Variants in CRACR2B observed in about 807,000 individuals in gnomAD.
The protein encoded by CRACR2B is EF-hand calcium-binding domain-containing protein 4A.
In CRACR2B, 50 loss-of-function variants were observed where a neutral mutation model predicts 46.0. The ratio of observed to expected loss-of-function variants is 1.09; its 90% CI spans 0.87 to 1.38. CRACR2B has a LOEUF of 1.38. CRACR2B is among the 40% of genes most tolerant of loss of function. CRACR2B has a pLI of 0.00. For missense variants in CRACR2B, 667 were observed against 535.0 expected (o/e 1.25, Z -2.43); for synonymous variants, 277 against 239.6 (o/e 1.16, Z -1.44).
rs754237287 is a variant in CRACR2B, at chr11:829,096, C to T, written c.277+133C>T. On this transcript the variant is annotated intron_variant, in intron 2 of 8. Coordinates refer to ENST00000525077, the MANE Select transcript of CRACR2B (RefSeq NM_001286606.2). ...CTCCAGGGCCCGTGCTTTGTCTGCA[C>T]GCACTCGCGCCTGGGGGCTCCTAGC... 457 of 1,334,470 alleles carry T rather than the reference C, an allele frequency of 3.4e-4. 1 individual carries two copies. Among genetic ancestry groups the T allele is most frequent in the Non-Finnish European group, 4.5e-4 (428 of 960,392 alleles). The allele number at this position is 1,334,470 out of a possible 1,614,324, so 82.7% of individuals were successfully genotyped here.
intron 5 of CRACR2B, 47 bp downstream of exon 5, chr11:830,384 C>T (rs1191557984): frequency 1.3e-6 from 2 of 1,536,294 alleles, no homozygotes; most frequent in Non-Finnish European, 8.7e-7. Flanking sequence ...TCCCACCTCG[C>T]TGGCCTCCCT....
In CRACR2B at chr11:831,859, G is replaced by A. The variant is rs1846482504; in HGVS notation, c.*150G>A. On this transcript the variant is annotated 3_prime_UTR_variant, in exon 9 of 9. Transcript: ENST00000525077. ...GACATGAAGGACCTAGCCTAGGAGT[G>A]GTCAGGGTCCCGGGAGTGGCCAGGG... 3 of 1,025,192 alleles carry A rather than the reference G, an allele frequency of 2.9e-6. No homozygotes were observed. The highest frequency in any genetic ancestry group is 3.2e-4 in the Middle Eastern group (1 of 3,112). 63.5% of individuals were successfully genotyped at this position (1,025,192 alleles called of 1,614,324 possible). A position where few individuals can be genotyped will look rare whatever the true frequency, so the allele number is the denominator to read the frequency against.
rs1846110699 is a variant in CRACR2B at position 828,753 on chromosome 11, T to C, written c.146T>C (p.Ile49Thr). ...LLCDKEAKGF[I>T]TKHDLQGLQS... ...TGTGACAAGGAGGCTAAGGGCTTCATCACCAAGCACGACCTGCAGGTGAGT... is the reference window on the plus strand; with the variant it reads ...TGTGACAAGGAGGCTAAGGGCTTCACCACCAAGCACGACCTGCAGGTGAGT... The change falls in exon 1 of 9, where the codon ATC (isoleucine) becomes ACC (threonine). Residue 49 changes from isoleucine to threonine, a missense_variant. Physicochemically the swap from Ile to Thr is moderately conservative, Grantham distance 89. Coordinates refer to ENST00000525077, the MANE Select transcript of CRACR2B (RefSeq NM_001286606.2). 4 of 1,613,580 alleles carry C rather than the reference T, an allele frequency of 2.5e-6. No individual in the cohort carries two copies. The highest frequency in any genetic ancestry group is 2.2e-5 in the South Asian group (2 of 91,076).
rs780838170 is a variant in CRACR2B at position 828,599 on chromosome 11, C to A, written c.-9C>A. 1 of 1,584,044 alleles carries A rather than the reference C, an allele frequency of 6.3e-7. No individual in the cohort carries two copies. Among genetic ancestry groups the A allele is most frequent in the Non-Finnish European group, 8.5e-7 (1 of 1,172,024 alleles). On this transcript the variant is annotated 5_prime_UTR_variant, in exon 1 of 9. Transcript: ENST00000525077. Reference sequence around the variant, plus strand: ...GCACCTGAAGGCCAGGCTGAGGCCCCCTGCTCTCATGGCCAGCCCTGGAAA... The same window carrying A: ...GCACCTGAAGGCCAGGCTGAGGCCCACTGCTCTCATGGCCAGCCCTGGAAA...
rs546147416 is a variant in CRACR2B at position 828,055 on chromosome 11, G to A, written c.-553G>A. ...AGTTGTGGGGAGGGAGGGGCCGGTG[G>A]GCAGGAGGGAGAAGTCTGCCCTGCC... On this transcript the variant is annotated 5_prime_UTR_variant, in exon 1 of 9. Transcript: ENST00000525077. 1.3e-5 allele frequency among the ~76,000 whole-genome samples: 2 copies of A among 152,252 alleles called. No individual in the cohort carries two copies. The highest frequency in any genetic ancestry group is 2.1e-4 in the South Asian group (1 of 4,826).
Position 830,230 on chromosome 11 carries a change from G to T in CRACR2B, c.606-20G>T. The T allele has an allele frequency of 6.7e-7, 1 of 1,498,506 alleles. No homozygotes were observed. Among genetic ancestry groups the T allele is most frequent in the Non-Finnish European group, 8.9e-7 (1 of 1,121,786 alleles). 92.8% of individuals were successfully genotyped at this position (1,498,506 alleles called of 1,614,324 possible). The stretch of plus-strand genomic sequence containing the variant: ...GTAGCGCTGGCAAGTTCTCATCCGG[G>T]GTCGCCCGGTCCCCCGAAGGCGCGA... On this transcript the variant is annotated intron_variant, in intron 4 of 8. Transcript: ENST00000525077.
At chr11:829,659 A>G in intron 3 of CRACR2B, 119 bp downstream of exon 3, 1 of 1,196,538 alleles carries the variant, frequency 8.4e-7, no homozygotes, top group Non-Finnish European at 1.1e-6. Flanking sequence ...GGTCAGGCCC[A>G]GCCTAGCGTC....
chr11:829,843 C>T, intron 3 of CRACR2B, 143 bp from the exon 4 acceptor site: 1 of 1,407,332 alleles, frequency 7.1e-7, no homozygotes, highest in Non-Finnish European at 9.3e-7. Flanking sequence ...GGCGAAAGCG[C>T]TCACGGGAGG....
In CRACR2B at chr11:829,154, C is replaced by T. The variant is rs949406662; in HGVS notation, c.277+191C>T. The T allele has an allele frequency of 8.6e-6, 11 of 1,282,976 alleles. No individual in the cohort carries two copies. The African/African-American group carries it at 8.9e-5, about 10-fold the overall frequency. The allele number at this position is 1,282,976 out of a possible 1,614,324, so 79.5% of individuals were successfully genotyped here. A position where few individuals can be genotyped will look rare whatever the true frequency, so the allele number is the denominator to read the frequency against. Reference sequence around the variant, plus strand: ...GAGTGTGTGGAGCTGACCTTCCTGGCCCCCAGCTCCTCTCCTGTGCTAAGC... The same window carrying T: ...GAGTGTGTGGAGCTGACCTTCCTGGTCCCCAGCTCCTCTCCTGTGCTAAGC... On this transcript the variant is annotated intron_variant, in intron 2 of 8. Transcript: ENST00000525077.
At position 831,675 on chromosome 11, in the gene CRACR2B, G is replaced by T; in HGVS notation, c.1166G>T (p.Arg389Ile). Residue 389 changes from arginine (R) to isoleucine (I), a missense_variant, in exon 9 of 9, where the codon AGA becomes ATA. Transcript: ENST00000525077. ...TGCTGTTGCTGGGCTCGGCCCCCCA[G>T]ACGCGGCTCTGGCCACCTTCCCAGT... Reference protein sequence around the residue: ...CCCCCWARPPRRGSGHLPSAR With the variant: ...CCCCCWARPPIRGSGHLPSAR 1 of 1,527,738 alleles carries T rather than the reference G, an allele frequency of 6.5e-7. No homozygotes were observed. The highest frequency in any genetic ancestry group is 8.7e-7 in the Non-Finnish European group (1 of 1,144,200). The allele number at this position is 1,527,738 out of a possible 1,614,324, so 94.6% of individuals were successfully genotyped here.
chr11:827,905 C>T (rs146592789), upstream of CRACR2B, among the ~76,000 whole-genome samples: 321 of 152,262 alleles, frequency 2.1e-3, 1 homozygote, highest in Middle Eastern at 0.031. Context: ...AGTTCTGAAA[C>T]GGGGAAGGGC....
rs780838170 is a variant in CRACR2B at position 828,599 on chromosome 11, C to T, written c.-9C>T. 1.3e-6 allele frequency: 2 copies of T among 1,584,046 alleles called. No individual in the cohort carries two copies. The highest frequency in any genetic ancestry group is 1.7e-6 in the Non-Finnish European group (2 of 1,172,024). On this transcript the variant is annotated 5_prime_UTR_variant, in exon 1 of 9. Coordinates refer to ENST00000525077, the MANE Select transcript of CRACR2B (RefSeq NM_001286606.2). ...GCACCTGAAGGCCAGGCTGAGGCCCCCTGCTCTCATGGCCAGCCCTGGAAA... is the reference window on the plus strand; with the variant it reads ...GCACCTGAAGGCCAGGCTGAGGCCCTCTGCTCTCATGGCCAGCCCTGGAAA...
chr11:828,870 C>G lies in CRACR2B; in HGVS notation c.184C>G (p.Pro62Ala), dbSNP rs750751434. The change falls in exon 2 of 9, where the codon CCC becomes GCC. Residue 62 changes from proline to alanine, a missense_variant. Transcript: ENST00000525077. ...CGACCAGGGTCTCCAGAGCGACCTGCCCCTCACGCCAGAGCAGCTGGAGGC... is the reference window on the plus strand; with the variant it reads ...CGACCAGGGTCTCCAGAGCGACCTGGCCCTCACGCCAGAGCAGCTGGAGGC... ...HDLQGLQSDL[P>A]LTPEQLEAVF... The G allele has an allele frequency of 6.8e-6, 11 of 1,610,412 alleles. No homozygotes were observed. In the African/African-American group the frequency reaches 1.1e-4, roughly 16 times the overall value.
At chr11:830,169 G>T (rs1443868289) in intron 4 of CRACR2B, 37 bp downstream of exon 4, 7 of 1,504,886 alleles carry the variant, frequency 4.7e-6, no homozygotes, top group Non-Finnish European at 5.3e-6. Context: ...CCAATGGAGG[G>T]CCTCAGGGCA....
Position 827,975 on chromosome 11 carries a change from G to A in CRACR2B, c.-633G>A, listed in dbSNP as rs1013626544. ...ATCTGGAAGTGTTCCTGAGTGGGGC[G>A]TCAGAGGCGAAGGGCTCTGCAGGCT... On this transcript the variant is annotated 5_prime_UTR_variant, in exon 1 of 9. Coordinates refer to ENST00000525077, the MANE Select transcript of CRACR2B (RefSeq NM_001286606.2). Among the ~76,000 whole-genome samples, 8 of 152,290 alleles carry A rather than the reference G, an allele frequency of 5.3e-5. No individual in the cohort carries two copies. The highest frequency in any genetic ancestry group is 4.1e-4 in the South Asian group (2 of 4,830).
chr11:830,535 C>T (rs1255006262), intron 5 of CRACR2B, 86 bp from the exon 6 acceptor site: 2 of 1,544,370 alleles, frequency 1.3e-6, no homozygotes, highest in Non-Finnish European at 8.7e-7. Context: ...TCCGCCCGGG[C>T]CCACTCCCAG....
At position 831,645 on chromosome 11, in the gene CRACR2B, G is replaced by T; in HGVS notation, c.1136G>T (p.Cys379Phe). ...TTARLPGPTC[C>F]CCCCWARPPR... ...GCCCGCCTGCCTGGGCCCACCTGCT[G>T]CTGCTGCTGTTGCTGGGCTCGGCCC... The change falls in exon 9 of 9, where the codon TGC (cysteine) becomes TTC (phenylalanine). Residue 379 changes from cysteine (C) to phenylalanine (F), a missense_variant. Cys to Phe is a radical substitution (Grantham distance 205, BLOSUM62 -2). Transcript: ENST00000525077. 1.9e-6 allele frequency: 3 copies of T among 1,550,926 alleles called. No individual in the cohort carries two copies. Among genetic ancestry groups the T allele is most frequent in the Non-Finnish European group, 2.6e-6 (3 of 1,155,052 alleles).
chr11:827,376 C>G (rs1259179512), upstream of CRACR2B: 3 of 205,982 alleles, frequency 1.5e-5, no homozygotes, highest in Non-Finnish European at 2.6e-5. Context: ...CCCGGCACCC[C>G]CTCCGGGCCG....
At chr11:830,423 C>T in intron 5 of CRACR2B, 86 bp downstream of exon 5, 2 of 1,536,194 alleles carry the variant, frequency 1.3e-6, no homozygotes, top group African/African-American at 1.4e-5. Context: ...TTAATCCCTC[C>T]CCGACGGCCC....
Sources: allele counts gnomAD v4.1 joint callset (sites outside exome capture counted in the v4.1 genomes callset), GRCh38; gene constraint gnomAD v4.1.1; transcripts MANE v1.5; gene names NCBI Gene and HGNC (gene_info 2026-07-23, HGNC 2026-07-21).